TMEM132C: variants seen among roughly 807,000 people sequenced by gnomAD.
TMEM132C encodes transmembrane protein 132C, also known as protein phosphatase 1, regulatory subunit 152.
A neutral mutation model predicts 61.4 loss-of-function variants in TMEM132C; 29 were observed. The observed-to-expected ratio is 0.47, with a 90% CI of 0.35 to 0.64. The LOEUF is 0.64. TMEM132C is among the 30% of genes least tolerant of loss of function. TMEM132C has a pLI of 0.00. For synonymous variants in TMEM132C, 656 were observed against 633.1 expected, an observed-to-expected ratio of 1.04 and a Z score of -0.54; for missense variants, 1,408 against 1,476.9, an observed-to-expected ratio of 0.95 and a Z score of 0.76.
intron 2 of TMEM132C, among the ~76,000 whole-genome samples, chr12:128,464,782 AAGAG>A (rs993542939): frequency 7.0e-6 from 1 of 142,736 alleles, no homozygotes; most frequent in Non-Finnish European, 1.5e-5. Context: ...GAAAGAAAGA[AAGAG>A]AGAAAGAGAG....
At chr12:128,560,607 T>G (rs920734772) in intron 3 of TMEM132C, among the ~76,000 whole-genome samples, 2 of 152,206 alleles carry the variant, frequency 1.3e-5, no homozygotes, top group African/African-American at 2.4e-5. Flanking sequence ...CTCACCTGTA[T>G]GGAATCACCT....
At chr12:128,388,432 C>T (rs564450207) in intron 1 of TMEM132C, among the ~76,000 whole-genome samples, 1 of 152,278 alleles carries the variant, frequency 6.6e-6, no homozygotes, top group African/African-American at 2.4e-5. Flanking sequence ...TCCCTCTCTT[C>T]TTCCCCTTGT....
At chr12:128,594,674 A>T (rs1034608494) in intron 3 of TMEM132C, among the ~76,000 whole-genome samples, 1 of 152,176 alleles carries the variant, frequency 6.6e-6, no homozygotes, top group African/African-American at 2.4e-5. Context: ...ACTATTTTTC[A>T]ACAAGGATGA....
chr12:128,417,096 G>T (rs1868808024), intron 2 of TMEM132C, among the ~76,000 whole-genome samples: 1 of 152,100 alleles, frequency 6.6e-6, no homozygotes, highest in South Asian at 2.1e-4. Context: ...CTGAATACTG[G>T]GTTTGTTTCC....
chr12:128,476,221 G>C (rs1401478171), intron 2 of TMEM132C, among the ~76,000 whole-genome samples: 1 of 151,974 alleles, frequency 6.6e-6, no homozygotes, highest in Admixed American at 6.6e-5. Flanking sequence ...AATGAAAACA[G>C]CAATGTCTGA....
At chr12:128,572,980 G>A (rs1004901351) in intron 3 of TMEM132C, among the ~76,000 whole-genome samples, 4 of 152,232 alleles carry the variant, frequency 2.6e-5, no homozygotes, top group Non-Finnish European at 4.4e-5. Flanking sequence ...GTGGAGAAAT[G>A]GGAACACTTT....
intron 3 of TMEM132C, among the ~76,000 whole-genome samples, chr12:128,611,742 A>G (rs1295028125): frequency 6.6e-6 from 1 of 152,246 alleles, no homozygotes; most frequent in Non-Finnish European, 1.5e-5. Flanking sequence ...GAAGGTTCTT[A>G]TAATTTAAAA....
intron 4 of TMEM132C, among the ~76,000 whole-genome samples, chr12:128,655,002 C>T (rs1438265830): frequency 2.0e-5 from 3 of 152,182 alleles, no homozygotes; most frequent in Admixed American, 6.5e-5. Flanking sequence ...CTAAGGCAGT[C>T]GCAGAGGAAA....
intron 2 of TMEM132C, among the ~76,000 whole-genome samples, chr12:128,433,002 A>AAAATAAAT (rs72373120): frequency 3.0e-4 from 44 of 146,576 alleles, no homozygotes; most frequent in South Asian, 2.0e-3. Flanking sequence ...CACCAGCCAA[A>AAAATAAAT]AAATAAATAA....
At chr12:128,402,547 A>G (rs1875198187) in intron 1 of TMEM132C, among the ~76,000 whole-genome samples, 1 of 152,216 alleles carries the variant, frequency 6.6e-6, no homozygotes, top group Non-Finnish European at 1.5e-5. Flanking sequence ...CCAGCAGCGT[A>G]GGAAACTGAC....
Position 128,591,443 on chromosome 12 carries a change from C to T in TMEM132C, c.1122-24709C>T, listed in dbSNP as rs144963301. ...GTCCATGCCTCCTTCCTTTGTATGG[C>T]GGAGTAACATCCCAGCGTGTGGATA... On this transcript the variant is annotated intron_variant, in intron 3 of 8. Coordinates refer to ENST00000435159, the MANE Select transcript of TMEM132C (RefSeq NM_001136103.3). Among the ~76,000 whole-genome samples, 365 of 152,190 alleles carry T rather than the reference C, an allele frequency of 2.4e-3. 2 individuals are homozygous for T. Among genetic ancestry groups the T allele is most frequent in the Non-Finnish European group, 4.2e-3 (284 of 68,008 alleles).
chr12:128,340,843 T>G (rs1329802748), intron 1 of TMEM132C, among the ~76,000 whole-genome samples: 1 of 130,196 alleles, frequency 7.7e-6, no homozygotes, highest in Admixed American at 7.1e-5. Flanking sequence ...CTCTCTCTCT[T>G]TCTCTCTTTC....
intron 1 of TMEM132C, among the ~76,000 whole-genome samples, chr12:128,310,513 C>T (rs1871932751): frequency 6.6e-6 from 1 of 151,910 alleles, no homozygotes; most frequent in South Asian, 2.1e-4. Context: ...TTGCCACACA[C>T]AAGGGAGCAA....
At chr12:128,283,808 C>T (rs1870973589) in intron 1 of TMEM132C, among the ~76,000 whole-genome samples, 1 of 152,112 alleles carries the variant, frequency 6.6e-6, no homozygotes, top group Non-Finnish European at 1.5e-5. Flanking sequence ...CCATCTCAGT[C>T]CACTCAATCT....
At chr12:128,444,351 T>C (rs760730525) in intron 2 of TMEM132C, among the ~76,000 whole-genome samples, 9 of 152,200 alleles carry the variant, frequency 5.9e-5, no homozygotes, top group Non-Finnish European at 4.4e-5. Context: ...TAGCTGTGCC[T>C]TTTTATTCCC....
At chr12:128,597,474 GAGGAAGGAAGGAAGGAAGGAAAGA>G (rs1202563595) in intron 3 of TMEM132C, among the ~76,000 whole-genome samples, 4 of 129,734 alleles carry the variant, frequency 3.1e-5, no homozygotes, top group Admixed American at 1.7e-4. Flanking sequence ...GAGCGAGAGA[GAGGAAGGAAGGAAGGAAGGAAAGA>G]AGGAAGGAAG....
intron 4 of TMEM132C, among the ~76,000 whole-genome samples, chr12:128,619,998 A>G (rs1334471411): frequency 1.3e-5 from 2 of 152,090 alleles, no homozygotes; most frequent in African/African-American, 4.8e-5. Context: ...TGGGAGGCCA[A>G]GGCAAGAGGA....
chr12:128,628,411 T>C (rs1419847558), intron 4 of TMEM132C, among the ~76,000 whole-genome samples: 1 of 152,134 alleles, frequency 6.6e-6, no homozygotes, highest in Admixed American at 6.5e-5. Flanking sequence ...TTCCCCACAT[T>C]CCAAACTGTG....
chr12:128,418,304 A>G (rs1868852520), intron 2 of TMEM132C, among the ~76,000 whole-genome samples: 1 of 152,216 alleles, frequency 6.6e-6, no homozygotes, highest in African/African-American at 2.4e-5. Context: ...GTTCATTCTC[A>G]TTCTGAAGAT....
Sources: allele counts gnomAD v4.1 joint callset (sites outside exome capture counted in the v4.1 genomes callset), GRCh38; gene constraint gnomAD v4.1.1; transcripts MANE v1.5; gene names NCBI Gene and HGNC (gene_info 2026-07-23, HGNC 2026-07-21).